The following KCNN2 variants were observed in gnomAD, a reference collection of about 807,000 sequenced individuals.
KCNN2 encodes small conductance calcium-activated potassium channel protein 2.
Under a neutral mutation model 55.5 loss-of-function variants are expected in KCNN2, and 24 were observed. The observed-to-expected ratio is 0.43, with a 90% CI of 0.31 to 0.61. KCNN2 has a LOEUF of 0.61. Ranked by LOEUF, KCNN2 falls within the 20% of genes least tolerant of loss-of-function variation. The pLI is 0.08. For synonymous variants in KCNN2, 431 were observed against 336.1 expected, an observed-to-expected ratio of 1.28 and a Z score of -3.09; for missense variants, 754 against 853.6, an observed-to-expected ratio of 0.88 and a Z score of 1.45.
chr5:114,467,037 C>T (rs1761484777), intron 4 of KCNN2, among the ~76,000 whole-genome samples: 1 of 152,106 alleles, frequency 6.6e-6, no homozygotes, highest in Non-Finnish European at 1.5e-5. Context: ...TTGCCTTTTC[C>T]TTAAGATTTG....
intron 1 of KCNN2, among the ~76,000 whole-genome samples, chr5:114,174,552 A>G (rs1463605079): frequency 6.6e-6 from 1 of 152,152 alleles, no homozygotes; most frequent in Non-Finnish European, 1.5e-5. Context: ...CTATCATGCA[A>G]GACTGGAAGA....
In KCNN2 at chr5:114,364,136, C is replaced by G. The variant is rs558498827; in HGVS notation, c.1218+135C>G. ...CAGAAGACACATGCTGTATTGTTAC[C>G]GTTAGCACCTGACCTGTTCTTTCAG... is the stretch of plus-strand genomic sequence containing the variant. On this transcript the variant is annotated intron_variant, in intron 2 of 7. Coordinates refer to ENST00000673685, the MANE Select transcript of KCNN2 (RefSeq NM_021614.4). 64 of 626,714 alleles carry G rather than the reference C, an allele frequency of 1.0e-4. No individual in the cohort carries two copies. The South Asian group carries it at 1.2e-3, about 12-fold the overall frequency. 38.8% of individuals were successfully genotyped at this position (626,714 alleles called of 1,614,324 possible).
chr5:114,488,837 T>C (rs1747706997), intron 6 of KCNN2, among the ~76,000 whole-genome samples: 1 of 152,178 alleles, frequency 6.6e-6, no homozygotes, highest in African/African-American at 2.4e-5. Flanking sequence ...TTTCTACCTT[T>C]AATATTTTGG....
At chr5:114,225,070 C>T (rs1754213572) in intron 2 of KCNN2, among the ~76,000 whole-genome samples, 1 of 152,090 alleles carries the variant, frequency 6.6e-6, no homozygotes, top group African/African-American at 2.4e-5. Context: ...AGACTTTATA[C>T]CTGAAAAGGT....
chr5:114,268,984 C>T (rs534767473), intron 2 of KCNN2, among the ~76,000 whole-genome samples: 4 of 151,706 alleles, frequency 2.6e-5, no homozygotes, highest in East Asian at 2.0e-4. Context: ...GGAAGGTGCA[C>T]GGGTCCCTCC....
At chr5:114,098,892 A>G (rs1751317533) in intron 1 of KCNN2, among the ~76,000 whole-genome samples, 1 of 152,116 alleles carries the variant, frequency 6.6e-6, no homozygotes, top group Non-Finnish European at 1.5e-5. Context: ...GCTCCAGTCT[A>G]GAATCTGACA....
At chr5:114,126,174 A>G (rs555831452) in intron 1 of KCNN2, among the ~76,000 whole-genome samples, 34 of 152,194 alleles carry the variant, frequency 2.2e-4, no homozygotes, top group Non-Finnish European at 3.7e-4. Context: ...GTGATACTGG[A>G]TTAGGTCCCA....
chr5:114,061,793 G>A (rs1265356224), intron 1 of KCNN2, among the ~76,000 whole-genome samples: 1 of 152,228 alleles, frequency 6.6e-6, no homozygotes, highest in Non-Finnish European at 1.5e-5. Context: ...TCCCTGGGAA[G>A]AGGGATTGGT....
intron 1 of KCNN2, among the ~76,000 whole-genome samples, chr5:114,122,478 T>C (rs1349072348): frequency 6.6e-6 from 1 of 152,182 alleles, no homozygotes; most frequent in Non-Finnish European, 1.5e-5. Flanking sequence ...AAAATCACTA[T>C]ACCTTATACG....
intron 2 of KCNN2, among the ~76,000 whole-genome samples, chr5:114,312,207 G>A (rs533030308): frequency 1.5e-4 from 23 of 151,742 alleles, no homozygotes; most frequent in African/African-American, 4.6e-4. Flanking sequence ...GCTTCTTGGC[G>A]TGAGTTTTTG....
intron 1 of KCNN2, among the ~76,000 whole-genome samples, chr5:114,130,514 G>C (rs1433390760): frequency 6.6e-6 from 1 of 152,142 alleles, no homozygotes; most frequent in African/African-American, 2.4e-5. Context: ...CTAGCTCTGT[G>C]AATTCAGATT....
intron 5 of KCNN2, among the ~76,000 whole-genome samples, chr5:114,479,499 G>GAC (rs1000298124): frequency 1.3e-5 from 2 of 152,148 alleles, no homozygotes; most frequent in Non-Finnish European, 2.9e-5. Flanking sequence ...AGATAATTGA[G>GAC]ACAGAAAATT....
At chr5:114,341,283 A>T (rs1757010526) in intron 2 of KCNN2, among the ~76,000 whole-genome samples, 1 of 152,218 alleles carries the variant, frequency 6.6e-6, no homozygotes, top group African/African-American at 2.4e-5. Context: ...AAAGAAGGGA[A>T]ATTGGTACAT....
intron 1 of KCNN2, 87 bp from the exon 2 acceptor site, chr5:114,363,819 C>A: frequency 1.1e-6 from 1 of 893,786 alleles, no homozygotes; most frequent in Non-Finnish European, 1.9e-6. Context: ...TCAGGTCCAC[C>A]TGTGGGGGAC....
chr5:114,311,506 AATGT>A (rs1057473833), intron 2 of KCNN2, among the ~76,000 whole-genome samples: 1 of 152,118 alleles, frequency 6.6e-6, no homozygotes, highest in Non-Finnish European at 1.5e-5. Context: ...CCTTTTAAAA[AATGT>A]ATTTTCACTG....
chr5:114,431,042 T>A (rs1276478690), intron 3 of KCNN2, among the ~76,000 whole-genome samples: 1 of 152,152 alleles, frequency 6.6e-6, no homozygotes, highest in Non-Finnish European at 1.5e-5. Context: ...TATTGGTTGA[T>A]AGTCTTACGT....
chr5:114,312,992 G>T (rs1271580534), intron 2 of KCNN2, among the ~76,000 whole-genome samples: 1 of 152,028 alleles, frequency 6.6e-6, no homozygotes, highest in Admixed American at 6.6e-5. Context: ...ATATTTATAA[G>T]CTACCCTGCC....
chr5:114,259,490 T>G (rs2150003639), intron 2 of KCNN2, among the ~76,000 whole-genome samples: 1 of 152,320 alleles, frequency 6.6e-6, no homozygotes, highest in African/African-American at 2.4e-5. Flanking sequence ...GAGTTGGTGA[T>G]CTGGTGTACT....
At chr5:114,422,565 C>T (rs1759501639) in intron 3 of KCNN2, among the ~76,000 whole-genome samples, 1 of 152,156 alleles carries the variant, frequency 6.6e-6, no homozygotes, top group South Asian at 2.1e-4. Context: ...AAGACAATTA[C>T]TCTTCCCTAA....
Sources: allele counts gnomAD v4.1 joint callset (sites outside exome capture counted in the v4.1 genomes callset), GRCh38; gene constraint gnomAD v4.1.1; transcripts MANE v1.5; gene names NCBI Gene and HGNC (gene_info 2026-07-23, HGNC 2026-07-21).